The following MICU3 variants were observed in gnomAD, a reference collection of about 807,000 sequenced individuals.
The protein encoded by MICU3 is mitochondrial calcium uptake 3, also known as calcium uptake protein 3, mitochondrial.
MICU3 carries 62 observed loss-of-function variants against 66.5 expected under a neutral mutation model. That is an observed-to-expected ratio of 0.93 (90% CI 0.76 to 1.15). MICU3 has a LOEUF of 1.15. MICU3 is among the 50% of genes most tolerant of loss of function. MICU3 has a pLI of 0.00. For synonymous variants in MICU3, 308 were observed against 240.7 expected, an observed-to-expected ratio of 1.28 and a Z score of -2.59; for missense variants, 779 against 664.4, an observed-to-expected ratio of 1.17 and a Z score of -1.90.
intron 9 of MICU3, among the ~76,000 whole-genome samples, chr8:17,104,111 A>C (rs1161256665): frequency 6.6e-6 from 1 of 151,938 alleles, no homozygotes; most frequent in Non-Finnish European, 1.5e-5. Context: ...AAAAGATAGA[A>C]TCCTATATGC....
the MICU3 span, chr8:17,134,180 A>G: frequency 1.3e-5 from 2 of 152,232 alleles, no homozygotes; most frequent in African/African-American, 2.4e-5. Context: ...AAAGAGATTT[A>G]TTGTAAGAAA....
In MICU3 at chr8:17,027,593, C is replaced by T. The variant is rs950882637; in HGVS notation, c.314C>T (p.Thr105Met). The T allele has an allele frequency of 7.7e-6, 10 of 1,297,946 alleles. No individual in the cohort carries two copies. The highest frequency in any genetic ancestry group is 7.7e-5 in the African/African-American group (5 of 64,908). 80.4% of individuals were successfully genotyped at this position (1,297,946 alleles called of 1,614,324 possible). Residue 105 changes from threonine to methionine, a missense_variant, in exon 1 of 15, where the codon ACG becomes ATG. Physicochemically the swap from Thr to Met is moderately conservative, Grantham distance 81. Transcript: ENST00000318063. ...ATGRPSKSAA[T>M]EPEDPPRGRG... The stretch of plus-strand genomic sequence containing the variant: ...GGGCGACCCTCAAAGAGCGCGGCCA[C>T]GGAGCCCGAGGACCCGCCCCGCGGC...
rs1248691809 is a variant in MICU3 at position 17,122,126 on chromosome 8, A to G, written c.*1839A>G. On this transcript the variant is annotated 3_prime_UTR_variant, in exon 15 of 15. Transcript: ENST00000318063. Reference sequence around the variant, plus strand: ...CCCAAGGAAGAATAGCATTGTACATATGCAATCTTTATTTTATTCTTTATT... The same window carrying G: ...CCCAAGGAAGAATAGCATTGTACATGTGCAATCTTTATTTTATTCTTTATT... 3 of 151,892 alleles carry G rather than the reference A, an allele frequency of 2.0e-5. No homozygotes were observed. Among genetic ancestry groups the G allele is most frequent in the East Asian group, 1.9e-4 (1 of 5,202 alleles). 9.4% of individuals were successfully genotyped at this position (151,892 alleles called of 1,614,324 possible).
intron 3 of MICU3, among the ~76,000 whole-genome samples, chr8:17,076,222 A>G (rs1820370275): frequency 6.6e-6 from 1 of 151,920 alleles, no homozygotes; most frequent in African/African-American, 2.4e-5. Flanking sequence ...TGTTTGTGAA[A>G]TGGGGTTTTG....
intron 1 of MICU3, among the ~76,000 whole-genome samples, chr8:17,052,361 T>A (rs1314716896): frequency 1.3e-5 from 2 of 152,182 alleles, no homozygotes; most frequent in Non-Finnish European, 2.9e-5. Flanking sequence ...TCAAGAACAT[T>A]TCAAATCTTC....
intron 9 of MICU3, chr8:17,102,741 T>G (rs1801377298): frequency 6.6e-6 from 1 of 151,968 alleles, no homozygotes; most frequent in Non-Finnish European, 1.5e-5. Context: ...TATGTGACAC[T>G]TGGCTACCTG....
the MICU3 span, among the ~76,000 whole-genome samples, chr8:17,133,912 T>C: frequency 6.6e-6 from 1 of 152,244 alleles, no homozygotes; most frequent in Non-Finnish European, 1.5e-5. Context: ...TGTAACTACA[T>C]TGTTTTACTT....
At chr8:17,050,598 A>G (rs1278420226) in intron 1 of MICU3, among the ~76,000 whole-genome samples, 1 of 152,158 alleles carries the variant, frequency 6.6e-6, no homozygotes, top group Non-Finnish European at 1.5e-5. Flanking sequence ...GTTGAGATCT[A>G]TTCAAGTCTC....
intron 2 of MICU3, among the ~76,000 whole-genome samples, chr8:17,065,751 T>C (rs1818576593): frequency 6.6e-6 from 1 of 152,086 alleles, no homozygotes; most frequent in Non-Finnish European, 1.5e-5. Flanking sequence ...AGTGGAGTCA[T>C]TAGGGCAATT....
chr8:17,127,804 A>C, the MICU3 span, among the ~76,000 whole-genome samples: 37 of 152,192 alleles, frequency 2.4e-4, no homozygotes, highest in African/African-American at 7.5e-4. Context: ...ACAATAGCTA[A>C]ACCCCAAATA....
At chr8:17,128,267 C>T in the MICU3 span, among the ~76,000 whole-genome samples, 1 of 147,644 alleles carries the variant, frequency 6.8e-6, no homozygotes, top group Admixed American at 6.7e-5. Flanking sequence ...CACACACACA[C>T]ACCAGAATGA....
At chr8:17,138,472 G>A in the MICU3 span, among the ~76,000 whole-genome samples, 1 of 152,110 alleles carries the variant, frequency 6.6e-6, no homozygotes, top group South Asian at 2.1e-4. Flanking sequence ...AGGAAATGAT[G>A]AACAACAGCT....
chr8:17,126,595 G>T (rs755391498), downstream of MICU3, among the ~76,000 whole-genome samples: 4 of 152,154 alleles, frequency 2.6e-5, no homozygotes, highest in African/African-American at 9.7e-5. Context: ...AACTATTAGA[G>T]TATTGTTAGC....
At chr8:17,029,476 CA>C (rs933106264) in intron 1 of MICU3, among the ~76,000 whole-genome samples, 39 of 145,882 alleles carry the variant, frequency 2.7e-4, no homozygotes, top group Middle Eastern at 3.5e-3. Flanking sequence ...AACTCCATCT[CA>C]AAAAAAAAAA....
chr8:17,069,430 CA>C (rs1819208384), intron 2 of MICU3, among the ~76,000 whole-genome samples: 1 of 151,944 alleles, frequency 6.6e-6, no homozygotes, highest in East Asian at 1.9e-4. Flanking sequence ...CCAGAAAGCC[CA>C]AATTAAGATG....
intron 7 of MICU3, 58 bp downstream of exon 7, chr8:17,087,093 A>G (rs1216051234): frequency 9.1e-7 from 1 of 1,104,950 alleles, no homozygotes; most frequent in Non-Finnish European, 1.3e-6. Context: ...TATTTTATTC[A>G]TGTTAAGAAA....
At chr8:17,134,996 G>A in the MICU3 span, among the ~76,000 whole-genome samples, 13 of 152,168 alleles carry the variant, frequency 8.5e-5, no homozygotes, top group Non-Finnish European at 1.6e-4. Flanking sequence ...TTTGAGTTCA[G>A]TTGTATATTC....
intron 4 of MICU3, 98 bp downstream of exon 4, chr8:17,077,959 A>G (rs2150708064): frequency 4.6e-6 from 3 of 658,366 alleles, no homozygotes; most frequent in East Asian, 3.0e-5. Flanking sequence ...TTTAAATTAC[A>G]TCTATGTGTA....
At position 17,027,289 on chromosome 8, in the gene MICU3, C is replaced by T. The variant is rs1210156287; in HGVS notation, c.10C>T (p.Leu4=). 2.3e-6 allele frequency: 3 copies of T among 1,302,824 alleles called. No homozygotes were observed. The highest frequency in any genetic ancestry group is 1.1e-4 in the East Asian group (2 of 18,726). 80.7% of individuals were successfully genotyped at this position (1,302,824 alleles called of 1,614,324 possible). A position where few individuals can be genotyped will look rare whatever the true frequency, so the allele number is the denominator to read the frequency against. The part of the protein sequence containing the change: MAA[L]RRLLWPPPRV... ...GTGGGCGGCCTCCGCTATGGCTGCG[C>T]TGCGAAGGCTCTTGTGGCCGCCACC... The change falls in exon 1 of 15, where the codon CTG becomes TTG. Residue 4 remains leucine (L), a synonymous_variant. Coordinates refer to ENST00000318063, the MANE Select transcript of MICU3 (RefSeq NM_181723.3).
Sources: gnomAD v4.1 joint callset for allele counts (sites outside exome capture counted in the v4.1 genomes callset) on GRCh38, gnomAD v4.1.1 for gene constraint, MANE v1.5 for transcripts, NCBI Gene and HGNC (gene_info 2026-07-23, HGNC 2026-07-21) for gene names.